EBF1: variants seen among roughly 807,000 people sequenced by gnomAD.
EBF1 encodes transcription factor COE1.
A neutral mutation model predicts 68.4 loss-of-function variants in EBF1; 10 were observed. The ratio of observed to expected loss-of-function variants is 0.15; its 90% CI spans 0.09 to 0.25. The LOEUF (loss-of-function observed/expected upper bound fraction) is 0.25, where lower values mean the gene tolerates loss of function less well. EBF1 is among the 10% of genes least tolerant of loss of function. The pLI is 1.00. For missense variants in EBF1, 509 were observed against 794.4 expected (o/e 0.64, Z 4.32); for synonymous variants, 298 against 299.8 (o/e 0.99, Z 0.06).
At chr5:158,893,691 T>C (rs1582953929) in intron 6 of EBF1, among the ~76,000 whole-genome samples, 1 of 152,144 alleles carries the variant, frequency 6.6e-6, no homozygotes, top group South Asian at 2.1e-4. Context: ...AATCACAAAA[T>C]AGGTGTTCAA....
chr5:158,751,252 A>G (rs552397373), intron 10 of EBF1, among the ~76,000 whole-genome samples: 6 of 152,012 alleles, frequency 3.9e-5, no homozygotes, highest in African/African-American at 1.4e-4. Context: ...AAATTAGCAC[A>G]TATTATTTTT....
At chr5:158,965,240 G>A (rs938289168) in intron 6 of EBF1, among the ~76,000 whole-genome samples, 5 of 152,118 alleles carry the variant, frequency 3.3e-5, no homozygotes, top group African/African-American at 1.2e-4. Flanking sequence ...GTGGCCACAG[G>A]ATCCATGTGG....
intron 10 of EBF1, among the ~76,000 whole-genome samples, chr5:158,753,242 T>C (rs1023143362): frequency 6.6e-6 from 1 of 152,092 alleles, no homozygotes; most frequent in Admixed American, 6.6e-5. Flanking sequence ...ACAATCTTAA[T>C]ACATGTATAA....
intron 6 of EBF1, among the ~76,000 whole-genome samples, chr5:158,904,957 C>A (rs1304209023): frequency 1.3e-5 from 2 of 152,174 alleles, no homozygotes; most frequent in African/African-American, 4.8e-5. Context: ...TCTTCTAGAG[C>A]CAGCTGAATG....
intron 6 of EBF1, among the ~76,000 whole-genome samples, chr5:158,915,619 G>A (rs971035508): frequency 1.3e-5 from 2 of 152,154 alleles, no homozygotes; most frequent in Non-Finnish European, 2.9e-5. Context: ...CTTAGTTATG[G>A]CACAAACAGT....
intron 6 of EBF1, among the ~76,000 whole-genome samples, chr5:158,924,788 G>GA (rs1809249875): frequency 7.1e-6 from 1 of 141,844 alleles, no homozygotes; most frequent in South Asian, 2.2e-4. Flanking sequence ...AGGAGGCGCA[G>GA]CTTGTGGTGA....
At chr5:158,750,209 A>G (rs987743784) in intron 10 of EBF1, among the ~76,000 whole-genome samples, 1 of 152,166 alleles carries the variant, frequency 6.6e-6, no homozygotes, top group Non-Finnish European at 1.5e-5. Flanking sequence ...AGCACCTACC[A>G]TTATAATATT....
chr5:158,890,137 C>T (rs899587176), intron 6 of EBF1, among the ~76,000 whole-genome samples: 3 of 151,946 alleles, frequency 2.0e-5, no homozygotes, highest in Non-Finnish European at 4.4e-5. Context: ...TGTGAGAATG[C>T]GTAAAATGAA....
At chr5:158,931,436 G>T (rs1208088798) in intron 6 of EBF1, among the ~76,000 whole-genome samples, 2 of 152,224 alleles carry the variant, frequency 1.3e-5, no homozygotes, top group Admixed American at 6.5e-5. Flanking sequence ...CCTAGAGCAA[G>T]GGGTTGAATT....
At chr5:158,993,697 T>C (rs763651474) in intron 6 of EBF1, among the ~76,000 whole-genome samples, 9 of 152,148 alleles carry the variant, frequency 5.9e-5, no homozygotes, top group Non-Finnish European at 1.0e-4. Context: ...TAAAATGACA[T>C]AAGGAGAAAG....
At chr5:158,971,388 G>T (rs1217958982) in intron 6 of EBF1, among the ~76,000 whole-genome samples, 1 of 152,178 alleles carries the variant, frequency 6.6e-6, no homozygotes, top group African/African-American at 2.4e-5. Context: ...GCTGGACCTT[G>T]AAGAAAAGCA....
chr5:158,843,015 A>G (rs1790629559), intron 6 of EBF1, among the ~76,000 whole-genome samples: 1 of 152,222 alleles, frequency 6.6e-6, no homozygotes, highest in Non-Finnish European at 1.5e-5. Flanking sequence ...ATCGTACTGT[A>G]ACAGCAATTT....
At chr5:158,737,406 T>C (rs1041870871) in intron 10 of EBF1, among the ~76,000 whole-genome samples, 15 of 149,108 alleles carry the variant, frequency 1.0e-4, no homozygotes, top group African/African-American at 2.5e-4. Flanking sequence ...GCCTCAGCCT[T>C]CCGAGTAGCT....
At chr5:158,821,993 T>C (rs1784935491) in intron 8 of EBF1, among the ~76,000 whole-genome samples, 1 of 152,050 alleles carries the variant, frequency 6.6e-6, no homozygotes, top group Admixed American at 6.5e-5. Context: ...CAGGCAAAAA[T>C]GATGAGAGTG....
intron 6 of EBF1, among the ~76,000 whole-genome samples, chr5:159,061,885 A>ACT (rs1455657398): frequency 1.3e-5 from 2 of 152,260 alleles, no homozygotes; most frequent in East Asian, 3.9e-4. Flanking sequence ...ATTCAGAGAC[A>ACT]CTCATCTTTC....
At chr5:158,725,471 G>A (rs1299299283) in intron 11 of EBF1, among the ~76,000 whole-genome samples, 1 of 152,220 alleles carries the variant, frequency 6.6e-6, no homozygotes, top group Non-Finnish European at 1.5e-5. Context: ...TCCCCTTTGA[G>A]GGCAGTTATA....
At chr5:158,913,728 A>G (rs1806516202) in intron 6 of EBF1, among the ~76,000 whole-genome samples, 1 of 152,226 alleles carries the variant, frequency 6.6e-6, no homozygotes, top group African/African-American at 2.4e-5. Context: ...TACCAAGGAT[A>G]CAGTGCCTAT....
intron 2 of EBF1, 107 bp downstream of exon 2, chr5:159,096,867 T>C: frequency 7.2e-7 from 1 of 1,383,478 alleles, no homozygotes; most frequent in East Asian, 2.5e-5. Flanking sequence ...CACATAGAAG[T>C]GTGTTATGGA....
chr5:158,731,372 G>A (rs2127545752), intron 10 of EBF1, among the ~76,000 whole-genome samples: 1 of 152,242 alleles, frequency 6.6e-6, no homozygotes. Flanking sequence ...AAGAACATTA[G>A]GAGTAGGTCT....
Sources: allele counts gnomAD v4.1 joint callset (sites outside exome capture counted in the v4.1 genomes callset), GRCh38; gene constraint gnomAD v4.1.1; transcripts MANE v1.5; gene names NCBI Gene and HGNC (gene_info 2026-07-23, HGNC 2026-07-21).